The following LRP1B variants were observed in gnomAD, a reference collection of about 807,000 sequenced individuals.
The protein encoded by LRP1B is low-density lipoprotein receptor-related protein 1B.
In LRP1B, 217 loss-of-function variants were observed where a neutral mutation model predicts 556.6. That is an observed-to-expected ratio of 0.39 (90% CI 0.35 to 0.44). The LOEUF (loss-of-function observed/expected upper bound fraction) is 0.44, where lower values mean the gene tolerates loss of function less well. Among genes scored for constraint, LRP1B ranks in the 20% least tolerant of loss-of-function variants. The probability of loss-of-function intolerance (pLI) is 1.00; values close to 1 mark genes in which losing one functional copy is unlikely to be tolerated. For missense variants in LRP1B, 5,053 were observed against 5,620.8 expected, an observed-to-expected ratio of 0.90 and a Z score of 3.23; for synonymous variants, 2,047 against 1,865.8, an observed-to-expected ratio of 1.10 and a Z score of -2.50.
At chr2:141,361,965 T>G (rs72979072) in intron 3 of LRP1B, among the ~76,000 whole-genome samples, 9,500 of 152,234 alleles carry the variant, frequency 0.062, 410 homozygotes, top group African/African-American at 0.11. Context: ...ATATAACATA[T>G]GGAAGGATTG....
chr2:141,656,067 A>G (rs1471346269), intron 2 of LRP1B, among the ~76,000 whole-genome samples: 1 of 152,158 alleles, frequency 6.6e-6, no homozygotes, highest in Non-Finnish European at 1.5e-5. Flanking sequence ...TTAATGGAGA[A>G]ACTGAGACAC....
intron 41 of LRP1B, among the ~76,000 whole-genome samples, chr2:140,696,816 T>C (rs1686445267): frequency 6.6e-6 from 1 of 152,188 alleles, no homozygotes; most frequent in Non-Finnish European, 1.5e-5. Flanking sequence ...CCTGCCTTCG[T>C]CCATGAAAAA....
At chr2:141,936,805 C>T (rs1183407529) in intron 1 of LRP1B, among the ~76,000 whole-genome samples, 3 of 151,820 alleles carry the variant, frequency 2.0e-5, no homozygotes, top group Non-Finnish European at 4.4e-5. Context: ...CAGTGTTATT[C>T]AAGGAACATT....
At position 140,662,344 on chromosome 2, in the gene LRP1B, T is replaced by C. The variant is rs532307431; in HGVS notation, c.6799+37906A>G. Among the ~76,000 whole-genome samples the C allele has an allele frequency of 2.6e-5, 4 of 152,214 alleles. 1 individual carries two copies. The South Asian group carries it at 8.3e-4, about 32-fold the overall frequency. On this transcript the variant is annotated intron_variant, in intron 41 of 90. Coordinates refer to ENST00000389484, the MANE Select transcript of LRP1B (RefSeq NM_018557.3). ...CATAGGTGTCTATACATGCTATAAT[T>C]ACAAATATTAAGGAAAAATTATTTA...
At chr2:142,046,035 A>T (rs2105223332) in intron 1 of LRP1B, among the ~76,000 whole-genome samples, 1 of 152,090 alleles carries the variant, frequency 6.6e-6, no homozygotes, top group African/African-American at 2.4e-5. Context: ...TTAATTCTTA[A>T]GCAAACAAGG....
rs1457789843 is a variant in LRP1B, at chr2:140,378,052, C to T, written c.10638+128G>A. 3 of 641,158 alleles carry T rather than the reference C, an allele frequency of 4.7e-6. No homozygotes were observed. The East Asian group carries it at 8.2e-5, about 18-fold the overall frequency. The allele number at this position is 641,158 out of a possible 1,614,324, so 39.7% of individuals were successfully genotyped here. On this transcript the variant is annotated intron_variant, in intron 68 of 90. Transcript: ENST00000389484. The stretch of plus-strand genomic sequence containing the variant: ...TGAAGCACAGCACATGGATATAATA[C>T]TTATCTCAATGTGTCAGGAGCAAAG...
At chr2:141,853,909 C>G (rs976621554) in intron 1 of LRP1B, among the ~76,000 whole-genome samples, 4 of 151,828 alleles carry the variant, frequency 2.6e-5, no homozygotes, top group Non-Finnish European at 5.9e-5. Flanking sequence ...TTTGTTGTGA[C>G]TTGAGCCAGA....
chr2:141,353,608 T>C (rs1320344134), intron 3 of LRP1B, among the ~76,000 whole-genome samples: 2 of 151,994 alleles, frequency 1.3e-5, no homozygotes, highest in Non-Finnish European at 2.9e-5. Flanking sequence ...AATATGCTCA[T>C]AGACAAGCTT....
intron 66 of LRP1B, among the ~76,000 whole-genome samples, chr2:140,430,418 G>A (rs368906668): frequency 1.3e-5 from 2 of 152,202 alleles, no homozygotes; most frequent in South Asian, 4.2e-4. Context: ...CAAAAACTCT[G>A]CTCAAGGCCG....
At chr2:141,624,028 AAAT>A (rs1476514165) in intron 2 of LRP1B, among the ~76,000 whole-genome samples, 1,223 of 60,552 alleles carry the variant, frequency 0.02, 38 homozygotes, top group African/African-American at 0.045. Flanking sequence ...AAAAAAAAAA[AAAT>A]TAAACAAAAA....
chr2:140,321,232 T>C (rs1381693559), intron 82 of LRP1B, among the ~76,000 whole-genome samples: 1 of 112,872 alleles, frequency 8.9e-6, no homozygotes. Flanking sequence ...CCATACTGTT[T>C]TGTGTTTTTT....
intron 66 of LRP1B, among the ~76,000 whole-genome samples, chr2:140,409,835 T>C (rs1223911958): frequency 6.6e-6 from 1 of 152,038 alleles, no homozygotes; most frequent in Non-Finnish European, 1.5e-5. Context: ...TCATAAACCA[T>C]TCTGAAACTG....
At chr2:142,086,823 A>G (rs1181443807) in intron 1 of LRP1B, among the ~76,000 whole-genome samples, 1 of 152,208 alleles carries the variant, frequency 6.6e-6, no homozygotes, top group African/African-American at 2.4e-5. Context: ...GTAGTTGAAA[A>G]GACTGAATAC....
intron 7 of LRP1B, among the ~76,000 whole-genome samples, chr2:141,176,388 G>T (rs1010138550): frequency 1.3e-5 from 2 of 151,970 alleles, no homozygotes; most frequent in East Asian, 1.9e-4. Context: ...CCCCTTTTCT[G>T]TTCTCATGAT....
rs1361046482 is a variant in LRP1B at position 140,450,417 on chromosome 2, A to T, written c.10057+151T>A. 9.2e-6 allele frequency: 6 copies of T among 655,382 alleles called. No individual in the cohort carries two copies. In the Admixed American group the frequency reaches 1.7e-4, roughly 19 times the overall value. 40.6% of individuals were successfully genotyped at this position (655,382 alleles called of 1,614,324 possible). Reference sequence around the variant, plus strand: ...TAACCAAGGTATTACAACAATTTTTATCTTACTTTTAAAGAATGGCATTTA... The same window carrying T: ...TAACCAAGGTATTACAACAATTTTTTTCTTACTTTTAAAGAATGGCATTTA... On this transcript the variant is annotated intron_variant, in intron 63 of 90. Transcript: ENST00000389484.
intron 71 of LRP1B, among the ~76,000 whole-genome samples, chr2:140,369,190 T>G (rs1454818664): frequency 2.6e-5 from 4 of 151,854 alleles, no homozygotes; most frequent in Non-Finnish European, 5.9e-5. Context: ...TAGATTGAAT[T>G]GTTTGTATGT....
rs1559005748 is a variant in LRP1B, at chr2:140,613,352, A to ATTATATACATATAAATATATAT, written c.6800-11714_6800-11713insATATATATTTATATGTATATAA. On this transcript the variant is annotated intron_variant, in intron 41 of 90. Coordinates refer to ENST00000389484, the MANE Select transcript of LRP1B (RefSeq NM_018557.3). The stretch of plus-strand genomic sequence containing the variant: ...ATATAATTATATACATATAAATATA[A>ATTATATACATATAAATATATAT]ATAATTATATAAATATAAATATATA... Among the ~76,000 whole-genome samples the ATTATATACATATAAATATATAT allele has an allele frequency of 3.6e-3, 319 of 88,846 alleles. 31 individuals are homozygous for ATTATATACATATAAATATATAT. The highest frequency in any genetic ancestry group is 6.2e-3 in the Middle Eastern group (1 of 162). 58.3% of individuals were successfully genotyped at this position (88,846 alleles called of 152,430 possible).
intron 17 of LRP1B, among the ~76,000 whole-genome samples, chr2:140,983,021 A>G (rs1696817392): frequency 6.6e-6 from 1 of 152,124 alleles, no homozygotes; most frequent in African/African-American, 2.4e-5. Flanking sequence ...GTTTATTCAG[A>G]AAAGGGGTTA....
intron 2 of LRP1B, among the ~76,000 whole-genome samples, chr2:141,561,304 G>A (rs187807911): frequency 5.3e-5 from 8 of 151,704 alleles, no homozygotes; most frequent in African/African-American, 9.7e-5. Flanking sequence ...CAGAACTTAA[G>A]CCAACTTCTA....
Sources: allele counts gnomAD v4.1 joint callset (sites outside exome capture counted in the v4.1 genomes callset), GRCh38; gene constraint gnomAD v4.1.1; transcripts MANE v1.5; gene names NCBI Gene and HGNC (gene_info 2026-07-23, HGNC 2026-07-21).